Variants in PELI2 observed in about 807,000 individuals in gnomAD.
PELI2 encodes the protein pellino E3 ubiquitin protein ligase family member 2.
In PELI2, 23 loss-of-function variants were observed where a neutral mutation model predicts 42.3. The observed-to-expected ratio is 0.54, with a 90% CI of 0.39 to 0.77. PELI2 has a LOEUF of 0.77. Ranked by LOEUF, PELI2 falls within the 30% of genes least tolerant of loss-of-function variation. PELI2 has a pLI of 0.00. For synonymous variants in PELI2, 245 were observed against 212.2 expected, an observed-to-expected ratio of 1.15 and a Z score of -1.34; for missense variants, 463 against 553.2, an observed-to-expected ratio of 0.84 and a Z score of 1.64.
At chr14:56,170,324 G>A (rs1594606115) in intron 1 of PELI2, among the ~76,000 whole-genome samples, 1 of 152,208 alleles carries the variant, frequency 6.6e-6, no homozygotes, top group Admixed American at 6.5e-5. Flanking sequence ...GATAAACCGT[G>A]ACGTCTCCAA....
rs755649643 is a variant in PELI2, at chr14:56,290,307, G to A, written c.547G>A (p.Asp183Asn). The change falls in exon 5 of 6, where the codon GAT becomes AAT. Residue 183 changes from aspartate to asparagine, a missense_variant. Physicochemically the swap from Asp to Asn is conservative, Grantham distance 23. This residue lies in a region of PELI2 where 343 missense variants were observed against 378.4 expected (regional missense o/e 0.91). Transcript: ENST00000267460. ...GTGGAAAAACCCCGACGGCCACATG[G>A]ATGGGCTCACTACTAATGGCGTCCT... ...AKWKNPDGHM[D>N]GLTTNGVLVM... 2 of 1,607,818 alleles carry A rather than the reference G, an allele frequency of 1.2e-6. No individual in the cohort carries two copies. Among genetic ancestry groups the A allele is most frequent in the South Asian group, 1.1e-5 (1 of 90,588 alleles).
intron 2 of PELI2, among the ~76,000 whole-genome samples, chr14:56,224,340 C>T (rs1887263239): frequency 6.6e-6 from 1 of 152,218 alleles, no homozygotes; most frequent in Admixed American, 6.5e-5. Context: ...TCTTGAATCT[C>T]ATATCCCACC....
intron 1 of PELI2, 88 bp downstream of exon 1, chr14:56,118,825 T>C: frequency 1.2e-6 from 1 of 857,690 alleles, no homozygotes; most frequent in Non-Finnish European, 1.7e-6. Context: ...GGCTCGGTGC[T>C]CTTTGGGGAC....
At chr14:56,181,098 T>G (rs1037656559) in intron 2 of PELI2, among the ~76,000 whole-genome samples, 1 of 152,182 alleles carries the variant, frequency 6.6e-6, no homozygotes, top group Non-Finnish European at 1.5e-5. Context: ...GATATGGTGC[T>G]CCTTACAGCC....
At chr14:56,142,548 C>T (rs186283233) in intron 1 of PELI2, among the ~76,000 whole-genome samples, 1 of 152,256 alleles carries the variant, frequency 6.6e-6, no homozygotes, top group Non-Finnish European at 1.5e-5. Flanking sequence ...TCTTCCACAC[C>T]CTTCTCTTTG....
At position 56,189,423 on chromosome 14, in the gene PELI2, A is replaced by C. The variant is rs547217521; in HGVS notation, c.207+10959A>C. 4.2e-4 allele frequency among the ~76,000 whole-genome samples: 64 copies of C among 152,302 alleles called. 4 individuals are homozygous for C. In the South Asian group the frequency reaches 9.1e-3, roughly 22 times the overall value. ...CATAGCTCTTCAAGCTTCCGCCTGGAAGTGACATGCTTTTGTTGCACTGGC... is the reference window on the plus strand; with the variant it reads ...CATAGCTCTTCAAGCTTCCGCCTGGCAGTGACATGCTTTTGTTGCACTGGC... On this transcript the variant is annotated intron_variant, in intron 2 of 5. Coordinates refer to ENST00000267460, the MANE Select transcript of PELI2 (RefSeq NM_021255.3).
chr14:56,156,696 T>C (rs915889367), intron 1 of PELI2, among the ~76,000 whole-genome samples: 11 of 152,384 alleles, frequency 7.2e-5, no homozygotes, highest in East Asian at 1.9e-4. Flanking sequence ...ACTTGAAGTA[T>C]GGCTAGTATG....
chr14:56,286,931 A>G (rs1349512551), intron 3 of PELI2, among the ~76,000 whole-genome samples: 1 of 152,244 alleles, frequency 6.6e-6, no homozygotes, highest in East Asian at 1.9e-4. Flanking sequence ...TGTTCCAGTT[A>G]GAATAAAATT....
At chr14:56,211,126 TA>T (rs1886700000) in intron 2 of PELI2, among the ~76,000 whole-genome samples, 2 of 152,182 alleles carry the variant, frequency 1.3e-5, no homozygotes, top group Non-Finnish European at 2.9e-5. Context: ...GAAGTGCCCA[TA>T]AGGACAGATA....
intron 2 of PELI2, among the ~76,000 whole-genome samples, chr14:56,266,266 C>T (rs1429589665): frequency 6.6e-6 from 1 of 151,868 alleles, no homozygotes; most frequent in East Asian, 1.9e-4. Context: ...TTGTTTGACT[C>T]TAGAAACTTT....
At chr14:56,238,619 TTG>T (rs1364715236) in intron 2 of PELI2, among the ~76,000 whole-genome samples, 1 of 152,170 alleles carries the variant, frequency 6.6e-6, no homozygotes, top group Admixed American at 6.5e-5. Context: ...GTTCACTAGG[TTG>T]TGTAGACTTA....
At chr14:56,228,546 C>T (rs77916005) in intron 2 of PELI2, among the ~76,000 whole-genome samples, 25 of 152,184 alleles carry the variant, frequency 1.6e-4, no homozygotes, top group African/African-American at 5.8e-4. Context: ...TGGGAAAATA[C>T]ACGATTATAA....
intron 2 of PELI2, among the ~76,000 whole-genome samples, chr14:56,232,579 C>G (rs1887624794): frequency 6.6e-6 from 1 of 151,992 alleles, no homozygotes; most frequent in African/African-American, 2.4e-5. Flanking sequence ...TGAAAACTCT[C>G]AATAAACTAG....
chr14:56,145,625 A>G (rs887234760), intron 1 of PELI2, among the ~76,000 whole-genome samples: 2 of 152,214 alleles, frequency 1.3e-5, no homozygotes, highest in East Asian at 1.9e-4. Context: ...AGCCGAGGGC[A>G]TTATCAGACA....
At chr14:56,218,175 T>A (rs1193442395) in intron 2 of PELI2, among the ~76,000 whole-genome samples, 1 of 152,244 alleles carries the variant, frequency 6.6e-6, no homozygotes, top group Non-Finnish European at 1.5e-5. Flanking sequence ...TGTCCCTTCC[T>A]TGGCCAGATT....
At chr14:56,290,207 A>G (rs1420878786) in intron 4 of PELI2, 61 bp from the exon 5 acceptor site, 3 of 1,326,588 alleles carry the variant, frequency 2.3e-6, no homozygotes, top group East Asian at 2.4e-5. Context: ...GAAATTCCAG[A>G]ATCCTTTCCA....
At chr14:56,230,030 C>T (rs928199050) in intron 2 of PELI2, among the ~76,000 whole-genome samples, 9 of 151,874 alleles carry the variant, frequency 5.9e-5, no homozygotes, top group East Asian at 1.9e-4. Context: ...TGAAATGAAG[C>T]GAGAAGAAAA....
At chr14:56,162,466 T>C (rs532340506) in intron 1 of PELI2, among the ~76,000 whole-genome samples, 2 of 152,362 alleles carry the variant, frequency 1.3e-5, no homozygotes, top group South Asian at 4.1e-4. Context: ...TATGGCTGAA[T>C]AGTACTCCAT....
intron 2 of PELI2, among the ~76,000 whole-genome samples, chr14:56,243,140 CAG>C (rs1888035640): frequency 6.6e-6 from 1 of 152,002 alleles, no homozygotes; most frequent in African/African-American, 2.4e-5. Context: ...TGATTAGAAA[CAG>C]AGAACAACAA....
Sources: gnomAD v4.1 joint callset for allele counts (sites outside exome capture counted in the v4.1 genomes callset) on GRCh38, gnomAD v4.1.1 for gene constraint, gnomAD v4.1.1 regional missense constraint, MANE v1.5 for transcripts, NCBI Gene and HGNC (gene_info 2026-07-23, HGNC 2026-07-21) for gene names.